Variants in YTHDF2 observed in about 807,000 individuals in gnomAD.
The protein encoded by YTHDF2 is YTH domain-containing family protein 2.
YTHDF2 carries 2 observed loss-of-function variants against 50.4 expected under a neutral mutation model. The observed-to-expected ratio is 0.04, with a 90% CI of 0.02 to 0.12. The LOEUF (loss-of-function observed/expected upper bound fraction) is 0.12, where lower values mean the gene tolerates loss of function less well. YTHDF2 is among the 10% of genes least tolerant of loss of function. The pLI, the probability that YTHDF2 is intolerant of heterozygous loss-of-function variation, is 1.00. For missense variants in YTHDF2, 483 were observed against 722.6 expected, an observed-to-expected ratio of 0.67 and a Z score of 3.80; for synonymous variants, 217 against 255.6, an observed-to-expected ratio of 0.85 and a Z score of 1.44.
At chr1:28,753,781 G>A (rs1319743019) in intron 4 of YTHDF2, among the ~76,000 whole-genome samples, 5 of 148,572 alleles carry the variant, frequency 3.4e-5, no homozygotes, top group Admixed American at 6.9e-5. Context: ...ATCTTGGCTC[G>A]CTGCAGCCTC....
intron 4 of YTHDF2, among the ~76,000 whole-genome samples, chr1:28,746,354 C>T (rs2087860239): frequency 6.6e-6 from 1 of 152,090 alleles, no homozygotes; most frequent in Non-Finnish European, 1.5e-5. Flanking sequence ...TTAAGATAGA[C>T]TTGTATGTGT....
upstream of YTHDF2, chr1:28,736,886 T>G (rs1487748195): frequency 8.8e-4 from 346 of 391,414 alleles, no homozygotes; most frequent in Middle Eastern, 4.6e-3. Flanking sequence ...CTTTAGGCGG[T>G]GGGGGGCGGG....
In YTHDF2 at chr1:28,736,961, C is replaced by A; in HGVS notation, c.-160C>A. The A allele has an allele frequency of 2.3e-6, 2 of 863,608 alleles. No individual in the cohort carries two copies. The highest frequency in any genetic ancestry group is 3.3e-5 in the South Asian group (2 of 59,904). 53.5% of individuals were successfully genotyped at this position (863,608 alleles called of 1,614,324 possible). On this transcript the variant is annotated 5_prime_UTR_variant, in exon 1 of 5. Coordinates refer to ENST00000373812, the MANE Select transcript of YTHDF2 (RefSeq NM_016258.3). ...GGCTAGAGCGTCGCCGAGTCGGAGC[C>A]GGAGCCTGAGCCGCGCGCTGTGTCT...
At chr1:28,747,641 A>T (rs1158175421) in intron 4 of YTHDF2, among the ~76,000 whole-genome samples, 3 of 137,036 alleles carry the variant, frequency 2.2e-5, no homozygotes. Context: ...GATGGTCTTG[A>T]TCTCCTGACT....
At chr1:28,750,720 T>C (rs1009822390) in intron 4 of YTHDF2, among the ~76,000 whole-genome samples, 1 of 152,202 alleles carries the variant, frequency 6.6e-6, no homozygotes, top group Non-Finnish European at 1.5e-5. Flanking sequence ...AAATTAAGTA[T>C]GTGGGTAGTT....
At chr1:28,751,531 G>A (rs1006787707) in intron 4 of YTHDF2, among the ~76,000 whole-genome samples, 1 of 152,144 alleles carries the variant, frequency 6.6e-6, no homozygotes, top group Non-Finnish European at 1.5e-5. Context: ...TGCCAAAAGG[G>A]TTAAGGAAAT....
chr1:28,751,817 A>T (rs1183826471), intron 4 of YTHDF2, among the ~76,000 whole-genome samples: 3 of 152,210 alleles, frequency 2.0e-5, no homozygotes. Flanking sequence ...GAATGAATAC[A>T]TTTTTGGCAT....
intron 4 of YTHDF2, among the ~76,000 whole-genome samples, chr1:28,761,698 T>C (rs998765334): frequency 1.3e-5 from 2 of 151,834 alleles, no homozygotes; most frequent in African/African-American, 4.8e-5. Flanking sequence ...GATTGCGCCA[T>C]TGCATTCCAG....
At chr1:28,741,329 G>A (rs996340476) in intron 3 of YTHDF2, among the ~76,000 whole-genome samples, 3 of 151,608 alleles carry the variant, frequency 2.0e-5, no homozygotes, top group African/African-American at 7.3e-5. Context: ...AGACAGTCTG[G>A]CTCTGTTGCC....
chr1:28,751,811 G>A (rs771903177), intron 4 of YTHDF2, among the ~76,000 whole-genome samples: 3 of 152,180 alleles, frequency 2.0e-5, no homozygotes, highest in East Asian at 3.8e-4. Context: ...ATAGAGGAAT[G>A]AATACATTTT....
chr1:28,736,776 C>A (rs901626622), upstream of YTHDF2: 1 of 314,296 alleles, frequency 3.2e-6, no homozygotes, highest in Non-Finnish European at 6.0e-6. Flanking sequence ...CTCTCCCTTC[C>A]CGGGGTTCTT....
chr1:28,745,687 AG>A (rs1428894196), intron 4 of YTHDF2, among the ~76,000 whole-genome samples: 2 of 141,874 alleles, frequency 1.4e-5, no homozygotes, highest in Non-Finnish European at 3.0e-5. Flanking sequence ...ATCGTGCTCT[AG>A]CCTGGGCAAC....
At chr1:28,758,585 G>C (rs967434707) in intron 4 of YTHDF2, among the ~76,000 whole-genome samples, 2 of 152,180 alleles carry the variant, frequency 1.3e-5, no homozygotes, top group African/African-American at 2.4e-5. Flanking sequence ...AAAAGTTGCT[G>C]CTAATTACAG....
chr1:28,752,040 A>AGT (rs1011154577), intron 4 of YTHDF2, among the ~76,000 whole-genome samples: 1 of 152,224 alleles, frequency 6.6e-6, no homozygotes, highest in Non-Finnish European at 1.5e-5. Context: ...ATTTATCCAA[A>AGT]GTCTCATAGC....
chr1:28,737,228 C>T, intron 1 of YTHDF2, 81 bp downstream of exon 1: 1 of 1,477,314 alleles, frequency 6.8e-7, no homozygotes, highest in Non-Finnish European at 9.0e-7. Flanking sequence ...CGCTCCTGGG[C>T]AGGCCGAGCC....
chr1:28,752,449 C>G (rs972947280), intron 4 of YTHDF2, among the ~76,000 whole-genome samples: 1 of 152,124 alleles, frequency 6.6e-6, no homozygotes, highest in African/African-American at 2.4e-5. Flanking sequence ...GTGCTTGCCA[C>G]CACTCCCGGC....
chr1:28,742,588 G>A lies in YTHDF2; in HGVS notation c.318G>A (p.Gly106=). 1 of 1,613,886 alleles carries A rather than the reference G, an allele frequency of 6.2e-7. No homozygotes were observed. The highest frequency in any genetic ancestry group is 8.5e-7 in the Non-Finnish European group (1 of 1,179,898). Residue 106 remains glycine (G), a synonymous_variant, in exon 4 of 5, where the codon GGG becomes GGA. Coordinates refer to ENST00000373812, the MANE Select transcript of YTHDF2 (RefSeq NM_016258.3). ...EPHFLPDAMF[G]QPGALGSTPF... ...ACTTCCTACCAGATGCAATGTTTGG[G>A]CAACCAGGAGCCCTAGGTAGCACTC...
intron 4 of YTHDF2, among the ~76,000 whole-genome samples, chr1:28,765,125 C>G (rs2088197634): frequency 6.6e-6 from 1 of 152,012 alleles, no homozygotes; most frequent in Admixed American, 6.6e-5. Flanking sequence ...CTTCAGCCTC[C>G]CCAGCAGCTG....
At position 28,765,633 on chromosome 1, in the gene YTHDF2, G is replaced by A. The variant is rs540840221; in HGVS notation, c.1717-3296G>A. On this transcript the variant is annotated intron_variant, in intron 4 of 4. Transcript: ENST00000373812. ...TAAATTTGTTGTTGTTGTTGTTGTT[G>A]TAGAGACAGGGTCTCACTATGTTGC... Among the ~76,000 whole-genome samples, 26 of 151,990 alleles carry A rather than the reference G, an allele frequency of 1.7e-4. No homozygotes were observed. The South Asian group carries it at 5.2e-3, about 30-fold the overall frequency.
Sources: gnomAD v4.1 joint callset for allele counts (sites outside exome capture counted in the v4.1 genomes callset) on GRCh38, gnomAD v4.1.1 for gene constraint, MANE v1.5 for transcripts, NCBI Gene and HGNC (gene_info 2026-07-23, HGNC 2026-07-21) for gene names.